GLO1: variants seen among roughly 807,000 people sequenced by gnomAD.
GLO1 encodes the protein lactoylglutathione lyase.
GLO1 carries 28 observed loss-of-function variants against 26.0 expected under a neutral mutation model. That is an observed-to-expected ratio of 1.08 (90% CI 0.80 to 1.48). The LOEUF is 1.48. Ranked by LOEUF, GLO1 falls within the 40% of genes most tolerant of loss-of-function variation. GLO1 has a pLI of 0.00. For synonymous variants in GLO1, 78 were observed against 77.6 expected (o/e 1.00, Z -0.03); for missense variants, 225 against 224.8 (o/e 1.00, Z -0.01).
intron 2 of GLO1, among the ~76,000 whole-genome samples, chr6:38,684,726 G>C (rs1011941317): frequency 2.6e-5 from 4 of 152,262 alleles, no homozygotes; most frequent in African/African-American, 9.6e-5. Flanking sequence ...GAAAACTTCT[G>C]TAATTCATCA....
chr6:38,688,161 A>C (rs150883749), intron 1 of GLO1, among the ~76,000 whole-genome samples: 1 of 152,284 alleles, frequency 6.6e-6, no homozygotes, highest in East Asian at 1.9e-4. Flanking sequence ...AACTGATCTT[A>C]ATAAATATAA....
rs114138464 is a variant in GLO1, at chr6:38,691,907, T to A, written c.85-4933A>T. Among the ~76,000 whole-genome samples, 1,347 of 152,280 alleles carry A rather than the reference T, an allele frequency of 8.8e-3. 24 individuals carry two copies. Among genetic ancestry groups the A allele is most frequent in the Non-Finnish European group, 0.01 (689 of 68,024 alleles). On this transcript the variant is annotated intron_variant, in intron 1 of 5. Transcript: ENST00000373365. ...GTTGGGCATACTAGTGTGGGTATAT[T>A]TTGGGGTTCTCTATTTTGTTTCAAT...
Position 38,682,074 on chromosome 6 carries a change from A to C in GLO1, c.404T>G (p.Val135Gly), listed in dbSNP as rs190185384. Reference sequence around the variant, plus strand: ...TTCAAACCTTTTACAAGCACTGTATACATCAGGAACAGCAATTCCAATATG... The same window carrying C: ...TTCAAACCTTTTACAAGCACTGTATCCATCAGGAACAGCAATTCCAATATG... ...FGHIGIAVPD[V>G]YSACKRFEEL... The change falls in exon 5 of 6, where the codon GTA (valine) becomes GGA (glycine). Residue 135 changes from valine to glycine, a missense_variant. Coordinates refer to ENST00000373365, the MANE Select transcript of GLO1 (RefSeq NM_006708.3). 2.9e-5 allele frequency: 46 copies of C among 1,591,950 alleles called. No homozygotes were observed. The highest frequency in any genetic ancestry group is 3.7e-5 in the Non-Finnish European group (43 of 1,159,740).
chr6:38,678,316 GAGAGAA>G (rs148661388), intron 5 of GLO1, among the ~76,000 whole-genome samples: 9,205 of 147,096 alleles, frequency 0.063, 488 homozygotes, highest in African/African-American at 0.14. Context: ...AAGAAAGAAA[GAGAGAA>G]AGAGAAAGAG....
At chr6:38,699,835 T>C (rs1024611350) in intron 1 of GLO1, among the ~76,000 whole-genome samples, 3 of 152,232 alleles carry the variant, frequency 2.0e-5, no homozygotes, top group Admixed American at 1.3e-4. Context: ...CGTGCACTGC[T>C]GAACATAGAC....
chr6:38,699,565 AATT>A (rs1761664785), intron 1 of GLO1, among the ~76,000 whole-genome samples: 1 of 152,264 alleles, frequency 6.6e-6, no homozygotes, highest in African/African-American at 2.4e-5. Context: ...GATATTGCTA[AATT>A]ATTTTCCTAG....
intron 1 of GLO1, among the ~76,000 whole-genome samples, chr6:38,692,169 A>G (rs909790881): frequency 6.6e-6 from 1 of 152,274 alleles, no homozygotes; most frequent in African/African-American, 2.4e-5. Flanking sequence ...GAGTCTTCCA[A>G]TCATGAACAC....
intron 5 of GLO1, among the ~76,000 whole-genome samples, chr6:38,680,733 A>G (rs1194112926): frequency 2.6e-5 from 4 of 152,128 alleles, no homozygotes; most frequent in African/African-American, 7.2e-5. Flanking sequence ...CTACAAAAAA[A>G]TAAAACAATT....
intron 1 of GLO1, among the ~76,000 whole-genome samples, chr6:38,692,468 T>TGAAGGG (rs1761545572): frequency 1.3e-5 from 2 of 152,140 alleles, no homozygotes; most frequent in Non-Finnish European, 2.9e-5. Flanking sequence ...ATGTAGACAA[T>TGAAGGG]CATGTCATCT....
rs762891015 is a variant in GLO1, at chr6:38,676,575, A to G, written c.*720T>C. 9 of 152,198 alleles carry G rather than the reference A, an allele frequency of 5.9e-5. No individual in the cohort carries two copies. Among genetic ancestry groups the G allele is most frequent in the Non-Finnish European group, 1.3e-4 (9 of 68,028 alleles). 9.4% of individuals were successfully genotyped at this position (152,198 alleles called of 1,614,324 possible). ...AGCTGATTGATGCCCTCTTAAATCC[A>G]TTAATAATCCATGAAAGTGATTTCA... is the stretch of plus-strand genomic sequence containing the variant. On this transcript the variant is annotated 3_prime_UTR_variant, in exon 6 of 6. Transcript: ENST00000373365.
intron 1 of GLO1, among the ~76,000 whole-genome samples, chr6:38,693,658 G>GCTCTCTCT (rs71543936): frequency 2.5e-3 from 318 of 127,534 alleles, no homozygotes; most frequent in African/African-American, 8.6e-3. Flanking sequence ...TTTTCATTCA[G>GCTCTCTCT]CTCTCTCTCT....
intron 5 of GLO1, among the ~76,000 whole-genome samples, chr6:38,679,886 T>A (rs1314343850): frequency 6.6e-6 from 1 of 150,544 alleles, no homozygotes; most frequent in Non-Finnish European, 1.5e-5. Context: ...AAATTAGAGA[T>A]CAAAATTATA....
intron 1 of GLO1, among the ~76,000 whole-genome samples, chr6:38,689,721 C>T (rs991524250): frequency 5.3e-5 from 8 of 151,954 alleles, no homozygotes; most frequent in Admixed American, 2.0e-4. Flanking sequence ...CTGAGACGGG[C>T]GGATCACGAG....
At chr6:38,684,997 G>C (rs1761441443) in intron 2 of GLO1, among the ~76,000 whole-genome samples, 3 of 152,218 alleles carry the variant, frequency 2.0e-5, no homozygotes, top group Admixed American at 2.0e-4. Context: ...AGGAAGGACA[G>C]ACTAGTATCA....
Position 38,692,598 on chromosome 6 carries a change from A to G in GLO1, c.85-5624T>C, listed in dbSNP as rs182747529. 2.0e-5 allele frequency among the ~76,000 whole-genome samples: 3 copies of G among 152,230 alleles called. No homozygotes were observed. In the East Asian group the frequency reaches 5.8e-4, roughly 29 times the overall value. ...TGTCAAATAAGAGTGGTAACAGCAG[A>G]CATCCTTGTCTTATTACCAAAATTA... is the stretch of plus-strand genomic sequence containing the variant. On this transcript the variant is annotated intron_variant, in intron 1 of 5. Transcript: ENST00000373365.
chr6:38,687,422 A>G (rs956401188), intron 1 of GLO1, among the ~76,000 whole-genome samples: 1 of 152,270 alleles, frequency 6.6e-6, no homozygotes, highest in African/African-American at 2.4e-5. Flanking sequence ...GGGGCTACCC[A>G]AACTAAGACA....
Position 38,702,998 on chromosome 6 carries a change from G to A in GLO1, c.57C>T (p.Cys19=). The change falls in exon 1 of 6, where the codon TGC becomes TGT. Residue 19 remains cysteine, a synonymous_variant. Coordinates refer to ENST00000373365, the MANE Select transcript of GLO1 (RefSeq NM_006708.3). ...GGLTDEAALS[C]CSDADPSTKD... is the part of the protein sequence containing the mutation. ...TGGTACTGGGGTCCGCGTCGGAGCAGCAACTGAGGGCGGCCTCGTCCGTGA... is the reference window on the plus strand; with the variant it reads ...TGGTACTGGGGTCCGCGTCGGAGCAACAACTGAGGGCGGCCTCGTCCGTGA... The A allele has an allele frequency of 6.3e-7, 1 of 1,581,152 alleles. No individual in the cohort carries two copies. The highest frequency in any genetic ancestry group is 1.4e-5 in the African/African-American group (1 of 73,868).
At chr6:38,681,202 A>G (rs1170521446) in intron 5 of GLO1, among the ~76,000 whole-genome samples, 1 of 151,948 alleles carries the variant, frequency 6.6e-6, no homozygotes, top group Non-Finnish European at 1.5e-5. Flanking sequence ...TAGGCGGACT[A>G]TAGGCGCCCA....
At chr6:38,700,952 G>A (rs890213059) in intron 1 of GLO1, among the ~76,000 whole-genome samples, 3 of 152,010 alleles carry the variant, frequency 2.0e-5, no homozygotes, top group African/African-American at 4.8e-5. Context: ...GCTAATTTTT[G>A]TATTTTTAGT....
Sources: gnomAD v4.1 joint callset for allele counts (sites outside exome capture counted in the v4.1 genomes callset) on GRCh38, gnomAD v4.1.1 for gene constraint, MANE v1.5 for transcripts, NCBI Gene and HGNC (gene_info 2026-07-23, HGNC 2026-07-21) for gene names.